Variants in CACNB4 observed in about 807,000 individuals in gnomAD.
CACNB4 encodes voltage-dependent L-type calcium channel subunit beta-4.
In CACNB4, 32 loss-of-function variants were observed where a neutral mutation model predicts 71.2. The observed-to-expected ratio is 0.45, with a 90% CI of 0.34 to 0.60. The LOEUF is 0.60. CACNB4 is among the 20% of genes least tolerant of loss of function. CACNB4 has a pLI of 0.01. For missense variants in CACNB4, 464 were observed against 647.9 expected (o/e 0.72, Z 3.08); for synonymous variants, 231 against 236.9 (o/e 0.97, Z 0.23).
At chr2:151,934,621 G>A (rs897855775) in intron 2 of CACNB4, among the ~76,000 whole-genome samples, 10 of 152,114 alleles carry the variant, frequency 6.6e-5, no homozygotes, top group Admixed American at 2.6e-4. Flanking sequence ...GGCGGATCAC[G>A]AGATCAAGAG....
intron 5 of CACNB4, among the ~76,000 whole-genome samples, chr2:151,875,676 C>G (rs1397764292): frequency 1.6e-5 from 1 of 64,248 alleles, no homozygotes; most frequent in African/African-American, 7.7e-5. Context: ...GGGGGGCTGA[C>G]CCCCCCACCT....
chr2:152,067,684 T>C (rs778468646), intron 2 of CACNB4, among the ~76,000 whole-genome samples: 14 of 152,190 alleles, frequency 9.2e-5, no homozygotes, highest in Non-Finnish European at 1.6e-4. Context: ...GCAGCCCCTC[T>C]GGATCATGGA....
intron 2 of CACNB4, among the ~76,000 whole-genome samples, chr2:151,996,218 C>A (rs1156692520): frequency 2.0e-5 from 3 of 152,220 alleles, no homozygotes; most frequent in Non-Finnish European, 4.4e-5. Flanking sequence ...AATACAACCA[C>A]AGCATTCATT....
At chr2:151,902,965 A>C (rs945505708) in intron 2 of CACNB4, among the ~76,000 whole-genome samples, 4 of 152,216 alleles carry the variant, frequency 2.6e-5, no homozygotes, top group African/African-American at 9.6e-5. Flanking sequence ...GGAAGTTTTC[A>C]ATCTCTCTCG....
At chr2:152,038,155 A>G (rs1267181332) in intron 2 of CACNB4, among the ~76,000 whole-genome samples, 2 of 152,226 alleles carry the variant, frequency 1.3e-5, no homozygotes, top group Non-Finnish European at 2.9e-5. Context: ...TGCCAATGGC[A>G]AAGTTCCTAA....
intron 13 of CACNB4, among the ~76,000 whole-genome samples, chr2:151,841,190 G>A (rs945119894): frequency 1.6e-4 from 25 of 152,140 alleles, no homozygotes; most frequent in African/African-American, 5.6e-4. Flanking sequence ...ACCTGGGTGC[G>A]GCAGGATTAA....
intron 10 of CACNB4, chr2:151,857,218 T>C (rs1322859305): frequency 6.6e-6 from 1 of 152,242 alleles, no homozygotes; most frequent in African/African-American, 2.4e-5. Context: ...TCTATTTTCT[T>C]ATGTTTTGCA....
chr2:151,992,542 T>C (rs1418581312), intron 2 of CACNB4, among the ~76,000 whole-genome samples: 1 of 152,238 alleles, frequency 6.6e-6, no homozygotes, highest in Non-Finnish European at 1.5e-5. Flanking sequence ...TGTATACCTA[T>C]GCTGGAGGGC....
intron 9 of CACNB4, chr2:151,867,362 G>A (rs1234003721): frequency 6.6e-6 from 1 of 152,200 alleles, no homozygotes; most frequent in African/African-American, 2.4e-5. Flanking sequence ...TACAAAGTCA[G>A]AGTTCAGCTA....
At chr2:151,898,085 G>T (rs2099852524) in intron 2 of CACNB4, among the ~76,000 whole-genome samples, 1 of 152,188 alleles carries the variant, frequency 6.6e-6, no homozygotes, top group Admixed American at 6.5e-5. Flanking sequence ...GAATCATGTT[G>T]GTTGTATTCC....
chr2:151,951,217 C>T (rs540605197), intron 2 of CACNB4, among the ~76,000 whole-genome samples: 1 of 152,252 alleles, frequency 6.6e-6, no homozygotes, highest in African/African-American at 2.4e-5. Flanking sequence ...TGGGCCACTG[C>T]ATCCTGCCTG....
chr2:152,085,341 A>G (rs1046597691), intron 2 of CACNB4, among the ~76,000 whole-genome samples: 8 of 152,310 alleles, frequency 5.3e-5, no homozygotes, highest in Non-Finnish European at 7.3e-5. Flanking sequence ...CTTGCAAGCA[A>G]TAAGTCAAAT....
In CACNB4 at chr2:151,860,773, G is replaced by C. The variant is rs755567856; in HGVS notation, c.806C>G (p.Ser269Cys). The change falls in exon 10 of 14, where the codon TCT becomes TGT. Residue 269 changes from serine (S) to cysteine (C), a missense_variant. Physicochemically the swap from Ser to Cys is moderately radical, Grantham distance 112 (BLOSUM62 -1). Coordinates refer to ENST00000539935, the MANE Select transcript of CACNB4 (RefSeq NM_000726.5). ...TCTCTTGCTGGGATTATTTAGGACA[G>C]ACCTCTTAGCAAGAGAAATGTCAGC... ...VTADISLAKR[S>C]VLNNPSKRAI... The C allele has an allele frequency of 3.1e-6, 5 of 1,613,696 alleles. No individual in the cohort carries two copies. The highest frequency in any genetic ancestry group is 4.2e-6 in the Non-Finnish European group (5 of 1,179,632).
chr2:151,855,322 G>T lies in CACNB4; in HGVS notation c.922C>A (p.Leu308Met), dbSNP rs1472728807. The change falls in exon 11 of 14, where the codon CTG becomes ATG. Residue 308 changes from leucine (L) to methionine (M), a missense_variant. Leu to Met is a conservative substitution (Grantham distance 15, BLOSUM62 2). This residue lies in a region of CACNB4 where 299 missense variants were observed against 471.7 expected (regional missense o/e 0.63). Transcript: ENST00000539935. ...ATGGTGTCTGCATCAAGAACAACCA[G>T]TTGCAAAGATCTTGCCAACTCAAAG... is the stretch of plus-strand genomic sequence containing the variant. Reference protein sequence around the residue: ...RIFELARSLQLVVLDADTINH... With the variant: ...RIFELARSLQMVVLDADTINH... 2 of 1,601,084 alleles carry T rather than the reference G, an allele frequency of 1.2e-6. No individual in the cohort carries two copies. Among genetic ancestry groups the T allele is most frequent in the Non-Finnish European group, 8.6e-7 (1 of 1,169,458 alleles).
intron 2 of CACNB4, among the ~76,000 whole-genome samples, chr2:152,054,965 C>T (rs1685648795): frequency 1.3e-5 from 2 of 152,052 alleles, no homozygotes; most frequent in Non-Finnish European, 2.9e-5. Flanking sequence ...GACACAAGTC[C>T]CTTATCAGAT....
intron 2 of CACNB4, among the ~76,000 whole-genome samples, chr2:151,921,146 T>C (rs1482640137): frequency 4.1e-5 from 2 of 48,672 alleles, no homozygotes; most frequent in East Asian, 2.9e-3. Flanking sequence ...CAAAAATAAA[T>C]AAATAAATAA....
intron 2 of CACNB4, among the ~76,000 whole-genome samples, chr2:152,000,962 T>C (rs532621500): frequency 3.0e-4 from 46 of 152,336 alleles, no homozygotes; most frequent in African/African-American, 1.1e-3. Flanking sequence ...CAGCAGATTC[T>C]TCCTGAAGCA....
At chr2:152,064,825 G>C (rs536529301) in intron 2 of CACNB4, among the ~76,000 whole-genome samples, 98 of 152,214 alleles carry the variant, frequency 6.4e-4, no homozygotes, top group African/African-American at 2.3e-3. Flanking sequence ...AAAGAAACTA[G>C]ACCATAAAAT....
chr2:151,958,029 G>A (rs1441723545), intron 2 of CACNB4, among the ~76,000 whole-genome samples: 1 of 152,158 alleles, frequency 6.6e-6, no homozygotes, highest in African/African-American at 2.4e-5. Flanking sequence ...GTGGGCTACT[G>A]GGTGCTGTGA....
Sources: allele counts gnomAD v4.1 joint callset (sites outside exome capture counted in the v4.1 genomes callset), GRCh38; gene constraint gnomAD v4.1.1; regional missense constraint gnomAD v4.1.1; transcripts MANE v1.5; gene names NCBI Gene and HGNC (gene_info 2026-07-23, HGNC 2026-07-21).